SLC22A23: variants seen among roughly 807,000 people sequenced by gnomAD.
SLC22A23 encodes the protein solute carrier family 22 member 23.
A neutral mutation model predicts 61.0 loss-of-function variants in SLC22A23; 26 were observed. That is an observed-to-expected ratio of 0.43 (90% CI 0.31 to 0.59). SLC22A23 has a LOEUF of 0.59. SLC22A23 is among the 20% of genes least tolerant of loss of function. The pLI, the probability that SLC22A23 is intolerant of heterozygous loss-of-function variation, is 0.11. For synonymous variants in SLC22A23, 430 were observed against 413.9 expected (o/e 1.04, Z -0.47); for missense variants, 796 against 934.7 (o/e 0.85, Z 1.94).
intron 5 of SLC22A23, among the ~76,000 whole-genome samples, chr6:3,292,738 TCTC>T (rs1760720026): frequency 6.6e-6 from 1 of 152,138 alleles, no homozygotes; most frequent in South Asian, 2.1e-4. Context: ...AAAGCTACGC[TCTC>T]CTTGGAAAAG....
Position 3,319,708 on chromosome 6 carries a change from G to A in SLC22A23, c.1082+4126C>T, listed in dbSNP as rs74907786. On this transcript the variant is annotated intron_variant, in intron 4 of 9. Coordinates refer to ENST00000406686, the MANE Select transcript of SLC22A23 (RefSeq NM_015482.2). ...TTTGGGCCCTCATAGTGGATTCCCC[G>A]TGGATCTGTGACCTTTGCCTGTGAG... Among the ~76,000 whole-genome samples the A allele has an allele frequency of 6.6e-3, 1,011 of 152,228 alleles. 21 individuals carry two copies. The highest frequency in any genetic ancestry group is 0.046 in the Admixed American group (710 of 15,302).
chr6:3,452,558 A>G (rs1455783913), intron 1 of SLC22A23, among the ~76,000 whole-genome samples: 2 of 142,812 alleles, frequency 1.4e-5, no homozygotes, highest in Admixed American at 7.5e-5. Flanking sequence ...GTGATATCGT[A>G]CCACTGGACT....
intron 3 of SLC22A23, among the ~76,000 whole-genome samples, chr6:3,400,249 A>G (rs1033669925): frequency 6.6e-6 from 1 of 152,204 alleles, no homozygotes; most frequent in African/African-American, 2.4e-5. Flanking sequence ...TATTAAGCTG[A>G]CCACTGGAAA....
chr6:3,346,719 G>A (rs1764459697), intron 3 of SLC22A23, among the ~76,000 whole-genome samples: 1 of 152,166 alleles, frequency 6.6e-6, no homozygotes, highest in East Asian at 1.9e-4. Flanking sequence ...CCCATTCCCT[G>A]GCCATCCCTC....
chr6:3,318,548 C>G lies in SLC22A23; in HGVS notation c.1082+5286G>C, dbSNP rs1394380681. 6.6e-6 allele frequency among the ~76,000 whole-genome samples: 1 copy of G among 152,172 alleles called. No individual in the cohort carries two copies. Among genetic ancestry groups the G allele is most frequent in the East Asian group, 1.9e-4 (1 of 5,192 alleles). On this transcript the variant is annotated intron_variant, in intron 4 of 9. Coordinates refer to ENST00000406686, the MANE Select transcript of SLC22A23 (RefSeq NM_015482.2). The surrounding 1 kb of genome is among the most constrained non-coding windows in gnomAD (Gnocchi z 4.3). ...AAGGCTCCTGCCCACGTTTTTGCCTCCCTGTGTGCCTCCTGGCCCACCCCA... is the reference window on the plus strand; with the variant it reads ...AAGGCTCCTGCCCACGTTTTTGCCTGCCTGTGTGCCTCCTGGCCCACCCCA...
intron 1 of SLC22A23, among the ~76,000 whole-genome samples, chr6:3,419,030 T>G (rs1581857451): frequency 6.6e-6 from 1 of 152,236 alleles, no homozygotes; most frequent in East Asian, 1.9e-4. Context: ...TTGTTCACAT[T>G]GCTCTAGATA....
chr6:3,386,213 G>C lies in SLC22A23; in HGVS notation c.913+23975C>G, dbSNP rs1370130422. ...TGACATTAGCTGGGAGCATCACAGG[G>C]AAGCCAGTGTGCCCTGACAGTGCAC... On this transcript the variant is annotated intron_variant, in intron 3 of 9. Transcript: ENST00000406686. This position sits in a 1 kb window ranked among gnomAD's most constrained non-coding sequence, Gnocchi z 4.4. Among the ~76,000 whole-genome samples the C allele has an allele frequency of 6.6e-6, 1 of 152,164 alleles. No homozygotes were observed. Among genetic ancestry groups the C allele is most frequent in the Admixed American group, 6.5e-5 (1 of 15,270 alleles).
At position 3,270,731 on chromosome 6, in the gene SLC22A23, T is replaced by A. The variant is rs562736781; in HGVS notation, c.*2324A>T. ...TCTTCGTTGGACCAGTTTTTTATTGTCATTTGAGGTGGAGATCAGAGATCA... is the reference window on the plus strand; with the variant it reads ...TCTTCGTTGGACCAGTTTTTTATTGACATTTGAGGTGGAGATCAGAGATCA... On this transcript the variant is annotated 3_prime_UTR_variant, in exon 10 of 10. Coordinates refer to ENST00000406686, the MANE Select transcript of SLC22A23 (RefSeq NM_015482.2). 1 of 152,396 alleles carries A rather than the reference T, an allele frequency of 6.6e-6. No individual in the cohort carries two copies. Among genetic ancestry groups the A allele is most frequent in the African/African-American group, 2.4e-5 (1 of 41,528 alleles). The allele number at this position is 152,396 out of a possible 1,614,324, so 9.4% of individuals were successfully genotyped here. A position where few individuals can be genotyped will look rare whatever the true frequency, so the allele number is the denominator to read the frequency against.
intron 4 of SLC22A23, among the ~76,000 whole-genome samples, chr6:3,302,459 T>TTAC (rs760450557): frequency 2.6e-5 from 4 of 152,216 alleles, no homozygotes; most frequent in Non-Finnish European, 4.4e-5. Flanking sequence ...TATTATTTCT[T>TTAC]TCCTTCTACT....
intron 3 of SLC22A23, among the ~76,000 whole-genome samples, chr6:3,379,780 C>T (rs1203026896): frequency 6.6e-6 from 1 of 151,860 alleles, no homozygotes; most frequent in Admixed American, 6.5e-5. Context: ...GCAGCTGGGA[C>T]GGGCTCAGAT....
intron 3 of SLC22A23, among the ~76,000 whole-genome samples, chr6:3,389,700 G>T (rs1767543192): frequency 6.6e-6 from 1 of 152,248 alleles, no homozygotes; most frequent in Non-Finnish European, 1.5e-5. Flanking sequence ...TCATGGAGAT[G>T]GCCTAGAGCC....
In SLC22A23 at chr6:3,309,841, T is replaced by C. The variant is rs72839365; in HGVS notation, c.1083-11623A>G. Among the ~76,000 whole-genome samples the C allele has an allele frequency of 4.0e-3, 614 of 152,274 alleles. 8 individuals carry two copies. Among genetic ancestry groups the C allele is most frequent in the Middle Eastern group, 6.8e-3 (2 of 294 alleles). ...TCCGGATTGCACTTAACCCAGCCCCTCACTGCACAGCAGGTGACCTAGGCC... is the reference window on the plus strand; with the variant it reads ...TCCGGATTGCACTTAACCCAGCCCCCCACTGCACAGCAGGTGACCTAGGCC... On this transcript the variant is annotated intron_variant, in intron 4 of 9. Transcript: ENST00000406686. This position sits in a 1 kb window ranked among gnomAD's most constrained non-coding sequence, Gnocchi z 4.7.
chr6:3,273,033 G>A lies in SLC22A23; in HGVS notation c.*22C>T. Reference sequence around the variant, plus strand: ...TGCCCAAGCTGCCCCAGACCCTGGAGCCCCGGGTTCCGCAGGCCGGGCTAC... The same window carrying A: ...TGCCCAAGCTGCCCCAGACCCTGGAACCCCGGGTTCCGCAGGCCGGGCTAC... On this transcript the variant is annotated 3_prime_UTR_variant, in exon 10 of 10. Transcript: ENST00000406686. 6.6e-7 allele frequency: 1 copy of A among 1,516,168 alleles called. No homozygotes were observed. Among genetic ancestry groups the A allele is most frequent in the South Asian group, 1.3e-5 (1 of 78,580 alleles). 93.9% of individuals were successfully genotyped at this position (1,516,168 alleles called of 1,614,324 possible).
At position 3,410,412 on chromosome 6, in the gene SLC22A23, G is replaced by A. The variant is rs1470226536; in HGVS notation, c.759-70C>T. On this transcript the variant is annotated intron_variant, in intron 2 of 9. Transcript: ENST00000406686. This position sits in a 1 kb window ranked among gnomAD's most constrained non-coding sequence, Gnocchi z 5.0. ...ACAATGACGCTAGATGCTGAAACCCGGTGTCCAGCAGGCACTCAATATATG... is the reference window on the plus strand; with the variant it reads ...ACAATGACGCTAGATGCTGAAACCCAGTGTCCAGCAGGCACTCAATATATG... 1.4e-5 allele frequency: 20 copies of A among 1,479,010 alleles called. No individual in the cohort carries two copies. The highest frequency in any genetic ancestry group is 2.3e-5 in the Admixed American group (1 of 44,432). 91.6% of individuals were successfully genotyped at this position (1,479,010 alleles called of 1,614,324 possible).
rs1344520827 is a variant in SLC22A23, at chr6:3,456,064, C to T, written c.496G>A (p.Glu166Lys). ...CTGTTGCTCCGGTTGCCCGCAGCCT[C>T]CCAGGGGGCAGTGGCGAAGGGGGTG... ...PTTPFATAPW[E>K]AAGNRSNSSG... Residue 166 changes from glutamate to lysine, a missense_variant, in exon 1 of 10, where the codon GAG becomes AAG. By Grantham distance (56) the Glu-to-Lys change is moderately conservative. Coordinates refer to ENST00000406686, the MANE Select transcript of SLC22A23 (RefSeq NM_015482.2). The surrounding 1 kb of genome is among the most constrained non-coding windows in gnomAD (Gnocchi z 7.1). 6.5e-7 allele frequency: 1 copy of T among 1,549,552 alleles called. No individual in the cohort carries two copies. The highest frequency in any genetic ancestry group is 2.4e-5 in the East Asian group (1 of 40,956).
At chr6:3,323,785 A>T (rs1457482126) in intron 4 of SLC22A23, 49 bp downstream of exon 4, 1 of 1,564,698 alleles carries the variant, frequency 6.4e-7, no homozygotes, top group East Asian at 2.3e-5. Flanking sequence ...GGCCTTCAGG[A>T]AGCATGTGCA....
In SLC22A23 at chr6:3,360,946, C is replaced by T. The variant is rs992815170; in HGVS notation, c.914-36944G>A. On this transcript the variant is annotated intron_variant, in intron 3 of 9. Coordinates refer to ENST00000406686, the MANE Select transcript of SLC22A23 (RefSeq NM_015482.2). This position sits in a 1 kb window ranked among gnomAD's most constrained non-coding sequence, Gnocchi z 4.6. ...AGCGTGGTACTGGGGTGACGAGAGG[C>T]GCTAGCGAACATCAGCAGCTGCGGG... Among the ~76,000 whole-genome samples the T allele has an allele frequency of 5.3e-5, 8 of 152,200 alleles. No individual in the cohort carries two copies. The highest frequency in any genetic ancestry group is 1.0e-4 in the Non-Finnish European group (7 of 68,036).
intron 5 of SLC22A23, among the ~76,000 whole-genome samples, chr6:3,294,517 G>A (rs891962202): frequency 3.3e-5 from 5 of 152,166 alleles, no homozygotes; most frequent in African/African-American, 1.2e-4. Context: ...CGAGCATTCT[G>A]GATAAGGGAT....
At chr6:3,303,371 G>C (rs764624488) in intron 4 of SLC22A23, 2 of 152,170 alleles carry the variant, frequency 1.3e-5, no homozygotes, top group Non-Finnish European at 2.9e-5. Flanking sequence ...CCAAAGGAAA[G>C]GAAAACAGTC....
Sources: gnomAD v4.1 joint callset for allele counts (sites outside exome capture counted in the v4.1 genomes callset) on GRCh38, gnomAD v4.1.1 for gene constraint, Gnocchi (gnomAD v3.1) non-coding constraint, MANE v1.5 for transcripts, NCBI Gene and HGNC (gene_info 2026-07-23, HGNC 2026-07-21) for gene names.